Variants in BNC2 observed in about 807,000 individuals in gnomAD.
BNC2 encodes the protein zinc finger protein basonuclin-2.
BNC2 carries 20 observed loss-of-function variants against 76.3 expected under a neutral mutation model. The ratio of observed to expected loss-of-function variants is 0.26; its 90% CI spans 0.18 to 0.38. The LOEUF is 0.38. BNC2 is among the 10% of genes least tolerant of loss of function. The probability of loss-of-function intolerance (pLI) is 1.00; values close to 1 mark genes in which losing one functional copy is unlikely to be tolerated. For synonymous variants in BNC2, 582 were observed against 514.8 expected, an observed-to-expected ratio of 1.13 and a Z score of -1.77; for missense variants, 1,382 against 1,399.8, an observed-to-expected ratio of 0.99 and a Z score of 0.20.
At chr9:16,645,781 A>G (rs1275093074) in intron 3 of BNC2, among the ~76,000 whole-genome samples, 1 of 152,240 alleles carries the variant, frequency 6.6e-6, no homozygotes, top group African/African-American at 2.4e-5. Context: ...ATAGTTTAAT[A>G]AAGAATAAGT....
intron 1 of BNC2, among the ~76,000 whole-genome samples, chr9:16,769,744 A>G (rs1472438935): frequency 6.6e-6 from 1 of 152,218 alleles, no homozygotes; most frequent in Admixed American, 6.5e-5. Flanking sequence ...TAAAGCATCT[A>G]GCAGAATGCC....
At chr9:16,819,813 AT>A (rs10646871) in intron 1 of BNC2, among the ~76,000 whole-genome samples, 39 of 150,086 alleles carry the variant, frequency 2.6e-4, no homozygotes, top group South Asian at 1.5e-3. Context: ...TGAGATATGT[AT>A]TTTTTTTTTA....
intron 5 of BNC2, among the ~76,000 whole-genome samples, chr9:16,472,324 G>C (rs1366816198): frequency 6.6e-6 from 1 of 152,126 alleles, no homozygotes; most frequent in Non-Finnish European, 1.5e-5. Flanking sequence ...GAGTTGCAGG[G>C]GTAAATAGAA....
intron 1 of BNC2, 72 bp from the exon 2 acceptor site, chr9:16,738,557 A>AGTTT: frequency 7.1e-6 from 7 of 988,634 alleles, no homozygotes; most frequent in Middle Eastern, 2.5e-4. Context: ...GTACATCAAA[A>AGTTT]CTTTAAGAAA....
At position 16,436,400 on chromosome 9, in the gene BNC2, A is replaced by T. The variant is rs1212412536; in HGVS notation, c.1794T>A (p.Ser598Arg). The change falls in exon 6 of 7, where the codon AGT becomes AGA. Residue 598 changes from serine (S) to arginine (R), a missense_variant. Transcript: ENST00000380672. ...SLPTSPIIPT[S>R]GTIEQHPPPP... is the part of the protein sequence containing the mutation. ...GCGGGGGGTGCTGCTCTATGGTACC[A>T]CTGGTTGGAATGATGGGACTGGTTG... The T allele has an allele frequency of 1.2e-6, 2 of 1,614,042 alleles. No individual in the cohort carries two copies. The highest frequency in any genetic ancestry group is 1.7e-6 in the Non-Finnish European group (2 of 1,180,012).
chr9:16,582,182 C>G (rs540695373), intron 4 of BNC2, among the ~76,000 whole-genome samples: 15 of 152,124 alleles, frequency 9.9e-5, no homozygotes, highest in Non-Finnish European at 2.2e-4. Flanking sequence ...ATAAACATTA[C>G]CTATCTTTTT....
At chr9:16,726,558 TTAAAAAAA>T (rs1472576131) in intron 3 of BNC2, among the ~76,000 whole-genome samples, 1 of 103,202 alleles carries the variant, frequency 9.7e-6, no homozygotes, top group Non-Finnish European at 1.7e-5. Context: ...CAAAAGCTTT[TTAAAAAAA>T]AAAAAAAAAA....
At position 16,417,490 on chromosome 9, in the gene BNC2, T is replaced by C. The variant is rs1820610006; in HGVS notation, c.*1499A>G. On this transcript the variant is annotated 3_prime_UTR_variant, in exon 7 of 7. Coordinates refer to ENST00000380672, the MANE Select transcript of BNC2 (RefSeq NM_017637.6). ...TCTTCTGGCTTTTCAGAAAGGAGTGTTGCTCCATTCAAGTTTAGCACATGT... is the reference window on the plus strand; with the variant it reads ...TCTTCTGGCTTTTCAGAAAGGAGTGCTGCTCCATTCAAGTTTAGCACATGT... The C allele has an allele frequency of 6.6e-6, 1 of 152,186 alleles. No individual in the cohort carries two copies. The highest frequency in any genetic ancestry group is 1.5e-5 in the Non-Finnish European group (1 of 68,028). The allele number at this position is 152,186 out of a possible 1,614,324, so 9.4% of individuals were successfully genotyped here.
chr9:16,425,025 G>A (rs1448966120), intron 6 of BNC2, among the ~76,000 whole-genome samples: 2 of 152,080 alleles, frequency 1.3e-5, no homozygotes, highest in East Asian at 3.9e-4. Context: ...CCTAGCTCAG[G>A]AAGAAAATTC....
intron 1 of BNC2, among the ~76,000 whole-genome samples, chr9:16,812,441 C>T (rs373970400): frequency 2.4e-4 from 37 of 152,332 alleles, no homozygotes; most frequent in African/African-American, 8.2e-4. Context: ...CAGCTCCAAA[C>T]CCATCTGTTC....
At chr9:16,781,467 C>A (rs908330297) in intron 1 of BNC2, among the ~76,000 whole-genome samples, 2 of 152,190 alleles carry the variant, frequency 1.3e-5, no homozygotes, top group Admixed American at 6.5e-5. Context: ...CTCAGCCACC[C>A]GAGCAGCTGG....
At chr9:16,643,122 G>C (rs1440061089) in intron 3 of BNC2, among the ~76,000 whole-genome samples, 1 of 151,916 alleles carries the variant, frequency 6.6e-6, no homozygotes, top group African/African-American at 2.4e-5. Context: ...TTTCTATATA[G>C]AGCTGGCATT....
intron 1 of BNC2, among the ~76,000 whole-genome samples, chr9:16,805,348 C>T (rs1265547013): frequency 6.6e-6 from 1 of 151,034 alleles, no homozygotes; most frequent in Non-Finnish European, 1.5e-5. Flanking sequence ...TTTTTTGAGA[C>T]AGGGTTTAGC....
intron 1 of BNC2, among the ~76,000 whole-genome samples, chr9:16,758,358 T>G (rs75243319): frequency 0.11 from 16,741 of 151,660 alleles, 1,140 homozygotes; most frequent in Admixed American, 0.2. Context: ...CCTTTTTTTT[T>G]AGATGGAGTT....
At chr9:16,514,537 T>C (rs140311825) in intron 5 of BNC2, among the ~76,000 whole-genome samples, 1 of 152,304 alleles carries the variant, frequency 6.6e-6, no homozygotes, top group African/African-American at 2.4e-5. Flanking sequence ...AAGGAGAGGT[T>C]CTGAAAAAGC....
intron 5 of BNC2, among the ~76,000 whole-genome samples, chr9:16,496,029 C>A (rs938091904): frequency 6.6e-6 from 1 of 151,672 alleles, no homozygotes. Context: ...CTGCCTCAGC[C>A]TCTCAAGTAG....
At chr9:16,662,949 T>C (rs559793425) in intron 3 of BNC2, among the ~76,000 whole-genome samples, 73 of 152,162 alleles carry the variant, frequency 4.8e-4, no homozygotes, top group African/African-American at 1.8e-3. Context: ...GTAGTAGCAA[T>C]AGAAAAAGGA....
intron 4 of BNC2, among the ~76,000 whole-genome samples, chr9:16,563,523 G>T (rs993433909): frequency 2.0e-5 from 3 of 152,036 alleles, no homozygotes; most frequent in African/African-American, 4.8e-5. Context: ...AATTGAAAAA[G>T]AAATGACTAT....
At chr9:16,618,714 A>T (rs1694814180) in intron 3 of BNC2, among the ~76,000 whole-genome samples, 1 of 152,164 alleles carries the variant, frequency 6.6e-6, no homozygotes, top group South Asian at 2.1e-4. Context: ...TTGATTGCAC[A>T]ATTACTTAAG....
Sources: gnomAD v4.1 joint callset for allele counts (sites outside exome capture counted in the v4.1 genomes callset) on GRCh38, gnomAD v4.1.1 for gene constraint, MANE v1.5 for transcripts, NCBI Gene and HGNC (gene_info 2026-07-23, HGNC 2026-07-21) for gene names.